ACAN: variants seen among roughly 807,000 people sequenced by gnomAD.
The protein encoded by ACAN is aggrecan.
ACAN carries 47 observed loss-of-function variants against 169.1 expected under a neutral mutation model. The ratio of observed to expected loss-of-function variants is 0.28; its 90% CI spans 0.22 to 0.35. The LOEUF (loss-of-function observed/expected upper bound fraction) is 0.35. ACAN is among the 10% of genes least tolerant of loss of function. The pLI is 1.00. For synonymous variants in ACAN, 1,115 were observed against 1,112.2 expected, an observed-to-expected ratio of 1.00 and a Z score of -0.05; for missense variants, 2,716 against 2,759.9, an observed-to-expected ratio of 0.98 and a Z score of 0.36.
chr15:88,848,063 G>A (rs755348103), intron 9 of ACAN, 25 bp downstream of exon 9: 8 of 1,610,068 alleles, frequency 5.0e-6, no homozygotes, highest in East Asian at 4.5e-5. Context: ...CTCACATTTC[G>A]GGCCCTAGAT....
rs1416903833 is a variant in ACAN at position 88,866,079 on chromosome 15, T to G, written c.6947-2137T>G. On this transcript the variant is annotated intron_variant, in intron 13 of 18. Transcript: ENST00000560601. The surrounding 1 kb of genome is among the most constrained non-coding windows in gnomAD (Gnocchi z 5.6). ...AGCCTTCTCAGATTTTGTGCCCTGG[T>G]CAAACACAGAAAGAAAGCAACGCTC... 6.6e-6 allele frequency among the ~76,000 whole-genome samples: 1 copy of G among 151,952 alleles called. No individual in the cohort carries two copies. The highest frequency in any genetic ancestry group is 1.5e-5 in the Non-Finnish European group (1 of 68,000).
At chr15:88,841,008 G>C (rs1158430156) in intron 4 of ACAN, among the ~76,000 whole-genome samples, 3 of 152,202 alleles carry the variant, frequency 2.0e-5, no homozygotes, top group Admixed American at 2.0e-4. Context: ...AGCCAGGCGT[G>C]GTGGTGGGCT....
Position 88,857,905 on chromosome 15 carries a change from T to G in ACAN, c.5320T>G (p.Tyr1774Asp), listed in dbSNP as rs565190001. The G allele has an allele frequency of 3.2e-5, 52 of 1,613,418 alleles. No individual in the cohort carries two copies. Among genetic ancestry groups the G allele is most frequent in the Non-Finnish European group, 3.6e-5 (42 of 1,179,630 alleles). The change falls in exon 12 of 19, where the codon TAT becomes GAT. Residue 1774 changes from tyrosine to aspartate, a missense_variant. Physicochemically the swap from Tyr to Asp is radical, Grantham distance 160 (BLOSUM62 -3). Coordinates refer to ENST00000560601, the MANE Select transcript of ACAN (RefSeq NM_001369268.1). ...TAGTGGAGAAGCATCTGGAGTTCTT[T>G]ATGGCACTAGTCAACCCTTTGGCAT... ...GISGEASGVL[Y>D]GTSQPFGITD...
At chr15:88,813,810 C>T (rs931460476) in intron 1 of ACAN, among the ~76,000 whole-genome samples, 11 of 152,168 alleles carry the variant, frequency 7.2e-5, no homozygotes, top group African/African-American at 2.7e-4. Context: ...CTTTGTAGAT[C>T]TCAGTGAGCA....
At chr15:88,820,532 C>T (rs2141515255) in intron 1 of ACAN, among the ~76,000 whole-genome samples, 1 of 152,302 alleles carries the variant, frequency 6.6e-6, no homozygotes, top group South Asian at 2.1e-4. Flanking sequence ...TGCTACACCA[C>T]TTGGACCTGC....
chr15:88,847,400 G>A lies in ACAN; in HGVS notation c.1587G>A (p.Leu529=), dbSNP rs1896821951. ...ATGAGCAGTGTGACGCCGGCTGGCT[G>A]CGGGACCAGACCGTCAGGTGAAGCC... ...AGYEQCDAGW[L]RDQTVRYPIV... Residue 529 remains leucine (L), a synonymous_variant, in exon 8 of 19, where the codon CTG becomes CTA. Coordinates refer to ENST00000560601, the MANE Select transcript of ACAN (RefSeq NM_001369268.1). The A allele has an allele frequency of 1.9e-6, 3 of 1,580,168 alleles. No homozygotes were observed. Among genetic ancestry groups the A allele is most frequent in the Non-Finnish European group, 2.6e-6 (3 of 1,160,390 alleles).
chr15:88,852,739 A>G (rs1476764037), intron 11 of ACAN, among the ~76,000 whole-genome samples: 1 of 152,242 alleles, frequency 6.6e-6, no homozygotes. Context: ...AGAGTGTCCC[A>G]AATGAACCAC....
Position 88,859,050 on chromosome 15 carries a change from A to G in ACAN, c.6465A>G (p.Thr2155=), listed in dbSNP as rs771700964. 3 of 1,613,964 alleles carry G rather than the reference A, an allele frequency of 1.9e-6. No homozygotes were observed. The highest frequency in any genetic ancestry group is 2.5e-6 in the Non-Finnish European group (3 of 1,179,886). The change falls in exon 12 of 19, where the codon ACA becomes ACG. Residue 2155 remains threonine, a synonymous_variant. Transcript: ENST00000560601. Reference sequence around the variant, plus strand: ...TAGGAGTGAGCGGCAGCACTTTGACATTTCAAGAAGGCGAGGCGTCCGCTG... The same window carrying G: ...TAGGAGTGAGCGGCAGCACTTTGACGTTTCAAGAAGGCGAGGCGTCCGCTG... ...SGLGVSGSTL[T]FQEGEASAAP...
intron 1 of ACAN, among the ~76,000 whole-genome samples, chr15:88,824,076 A>G (rs4244887): frequency 0.75 from 114,662 of 152,076 alleles, 44,467 homozygotes; most frequent in East Asian, 0.98. Flanking sequence ...TGTAATCCCA[A>G]CACTTTGGGA....
intron 13 of ACAN, among the ~76,000 whole-genome samples, chr15:88,867,702 G>T (rs1897302958): frequency 6.6e-6 from 1 of 152,286 alleles, no homozygotes; most frequent in South Asian, 2.1e-4. Context: ...CCATTTCGAG[G>T]TCATTCATTC....
intron 1 of ACAN, among the ~76,000 whole-genome samples, chr15:88,804,624 G>A (rs113141437): frequency 0.013 from 1,911 of 152,292 alleles, 38 homozygotes; most frequent in African/African-American, 0.044. Context: ...TTCCAACCCT[G>A]GGGCTGGGTT....
intron 1 of ACAN, among the ~76,000 whole-genome samples, chr15:88,832,350 C>A (rs1896386337): frequency 6.6e-6 from 1 of 151,868 alleles, no homozygotes; most frequent in African/African-American, 2.4e-5. Context: ...TGGCTCACAC[C>A]TGTAATCCCA....
rs1032509881 is a variant in ACAN, at chr15:88,875,067, G to C, written c.*586G>C. The C allele has an allele frequency of 6.1e-6, 1 of 164,850 alleles. No individual in the cohort carries two copies. Among genetic ancestry groups the C allele is most frequent in the African/African-American group, 2.4e-5 (1 of 41,608 alleles). The allele number at this position is 164,850 out of a possible 1,614,324, so 10.2% of individuals were successfully genotyped here. ...TCCTGCCTCCTGCCGAGGGTAAGCC[G>C]GCAGGAGAGAGCCATCAGAGGGACC... is the stretch of plus-strand genomic sequence containing the variant. On this transcript the variant is annotated 3_prime_UTR_variant, in exon 19 of 19. Coordinates refer to ENST00000560601, the MANE Select transcript of ACAN (RefSeq NM_001369268.1). This position sits in a 1 kb window ranked among gnomAD's most constrained non-coding sequence, Gnocchi z 4.8.
Position 88,807,555 on chromosome 15 carries a change from GC to G in ACAN, c.-8+3748del, listed in dbSNP as rs1895713179. 6.6e-6 allele frequency among the ~76,000 whole-genome samples: 1 copy of G among 152,192 alleles called. No individual in the cohort carries two copies. Among genetic ancestry groups the G allele is most frequent in the African/African-American group, 2.4e-5 (1 of 41,448 alleles). ...GGCCCCTGGACGCAGTTGAAGAAGG[GC>G]CACTGGGAGGCCGGCAGAACAAGGG... is the stretch of plus-strand genomic sequence containing the variant. On this transcript the variant is annotated intron_variant, in intron 1 of 18. Transcript: ENST00000560601. The surrounding 1 kb of genome is among the most constrained non-coding windows in gnomAD (Gnocchi z 4.0).
chr15:88,862,410 C>T (rs1047317239), intron 13 of ACAN, among the ~76,000 whole-genome samples: 1 of 152,180 alleles, frequency 6.6e-6, no homozygotes, highest in Non-Finnish European at 1.5e-5. Context: ...TGAAGATCAC[C>T]CATGTACAAC....
At chr15:88,821,979 A>G (rs2141519110) in intron 1 of ACAN, among the ~76,000 whole-genome samples, 1 of 152,362 alleles carries the variant, frequency 6.6e-6, no homozygotes, top group Admixed American at 6.5e-5. Context: ...GTCCTCTTCT[A>G]GAGGAGTCAT....
intron 6 of ACAN, among the ~76,000 whole-genome samples, chr15:88,844,368 TTTA>T (rs59329974): frequency 1.3e-5 from 2 of 149,700 alleles, no homozygotes; most frequent in Non-Finnish European, 1.5e-5. Context: ...GTCATTTTAC[TTTA>T]TTATTATTAT....
intron 1 of ACAN, among the ~76,000 whole-genome samples, chr15:88,828,355 T>C (rs1277574978): frequency 6.6e-6 from 1 of 152,130 alleles, no homozygotes; most frequent in Non-Finnish European, 1.5e-5. Context: ...CCTGCAGGTA[T>C]GACACTCTCC....
chr15:88,847,142 T>C (rs1315970724), intron 7 of ACAN, 101 bp from the exon 8 acceptor site: 2 of 1,256,894 alleles, frequency 1.6e-6, no homozygotes, highest in Non-Finnish European at 2.2e-6. Context: ...ATAAATCCAA[T>C]ATGTCAGGCA....
Sources: allele counts gnomAD v4.1 joint callset (sites outside exome capture counted in the v4.1 genomes callset), GRCh38; gene constraint gnomAD v4.1.1; non-coding constraint Gnocchi (gnomAD v3.1); transcripts MANE v1.5; gene names NCBI Gene and HGNC (gene_info 2026-07-23, HGNC 2026-07-21).